ADAMTSL1: variants seen among roughly 807,000 people sequenced by gnomAD.
ADAMTSL1 encodes ADAMTS like 1, also known as ADAMTS-like protein 1.
A neutral mutation model predicts 201.8 loss-of-function variants in ADAMTSL1; 126 were observed. The observed-to-expected ratio is 0.62, with a 90% CI of 0.54 to 0.72. The LOEUF (loss-of-function observed/expected upper bound fraction) is 0.72, where lower values mean the gene tolerates loss of function less well. Ranked by LOEUF, ADAMTSL1 falls within the 30% of genes least tolerant of loss-of-function variation. The probability of loss-of-function intolerance (pLI) is 0.00; values close to 1 mark genes in which losing one functional copy is unlikely to be tolerated. For missense variants in ADAMTSL1, 2,679 were observed against 2,277.8 expected (o/e 1.18, Z -3.59); for synonymous variants, 1,121 against 903.4 (o/e 1.24, Z -4.32).
intron 17 of ADAMTSL1, among the ~76,000 whole-genome samples, chr9:18,771,947 G>A (rs1009523199): frequency 6.6e-6 from 1 of 152,086 alleles, no homozygotes; most frequent in Admixed American, 6.5e-5. Flanking sequence ...CTTACATTAC[G>A]ACAGGTTTTA....
intron 5 of ADAMTSL1, among the ~76,000 whole-genome samples, chr9:18,628,822 A>G (rs1826558272): frequency 6.6e-6 from 1 of 152,114 alleles, no homozygotes; most frequent in Non-Finnish European, 1.5e-5. Flanking sequence ...CATCTGTTGT[A>G]TTTTTTGTAA....
At chr9:18,449,274 A>C (rs1234395676) in intron 2 of ADAMTSL1, among the ~76,000 whole-genome samples, 1 of 150,226 alleles carries the variant, frequency 6.7e-6, no homozygotes, top group Non-Finnish European at 1.5e-5. Flanking sequence ...TCTATTATAT[A>C]ATTTAAAAAT....
At chr9:18,040,540 A>G (rs968225908) in intron 1 of ADAMTSL1, among the ~76,000 whole-genome samples, 4 of 152,176 alleles carry the variant, frequency 2.6e-5, no homozygotes, top group Non-Finnish European at 4.4e-5. Context: ...ATGTCTGTGC[A>G]TAGTAGAGCT....
At chr9:18,751,138 A>G (rs1819448225) in intron 15 of ADAMTSL1, among the ~76,000 whole-genome samples, 2 of 152,252 alleles carry the variant, frequency 1.3e-5, no homozygotes, top group South Asian at 2.1e-4. Flanking sequence ...GTATGGATGT[A>G]TCTTAAAACC....
chr9:17,988,643 C>A (rs1466452364), intron 1 of ADAMTSL1, among the ~76,000 whole-genome samples: 1 of 151,528 alleles, frequency 6.6e-6, no homozygotes, highest in Non-Finnish European at 1.5e-5. Context: ...CTTCACCTGC[C>A]AAAGGGAGCC....
intron 2 of ADAMTSL1, among the ~76,000 whole-genome samples, chr9:18,227,449 T>A (rs1830472801): frequency 6.6e-6 from 1 of 152,174 alleles, no homozygotes; most frequent in African/African-American, 2.4e-5. Context: ...GTCTATAGAT[T>A]ATAAACTCAC....
intron 4 of ADAMTSL1, among the ~76,000 whole-genome samples, chr9:18,612,152 C>G (rs941118524): frequency 1.3e-5 from 2 of 152,182 alleles, no homozygotes; most frequent in Non-Finnish European, 2.9e-5. Flanking sequence ...AAATAATGAG[C>G]ATTTATGCCC....
intron 12 of ADAMTSL1, among the ~76,000 whole-genome samples, chr9:18,683,910 G>T (rs2133193841): frequency 6.6e-6 from 1 of 152,210 alleles, no homozygotes; most frequent in South Asian, 2.1e-4. Flanking sequence ...CTTTGCAATT[G>T]TATGTTATAA....
intron 1 of ADAMTSL1, among the ~76,000 whole-genome samples, chr9:18,014,233 A>G (rs1449428607): frequency 3.9e-5 from 6 of 152,016 alleles, no homozygotes; most frequent in Non-Finnish European, 8.8e-5. Flanking sequence ...CAGCAGGACC[A>G]GTGCTCCACT....
rs1359978996 is a variant in ADAMTSL1, at chr9:18,892,486, T to G, written c.4741T>G (p.Ser1581Ala). ...TCQKLKASGI[S>A]TPVSNDMCTQ... Reference sequence around the variant, plus strand: ...TCAAAAGCTGAAAGCCTCTGGGATCTCCACCCCTGTGTCCAATGACATGTG... The same window carrying G: ...TCAAAAGCTGAAAGCCTCTGGGATCGCCACCCCTGTGTCCAATGACATGTG... Residue 1581 changes from serine (S) to alanine (A), a missense_variant, in exon 26 of 29, where the codon TCC (serine) becomes GCC (alanine). Transcript: ENST00000380548. 9 of 1,610,662 alleles carry G rather than the reference T, an allele frequency of 5.6e-6. No individual in the cohort carries two copies. Among genetic ancestry groups the G allele is most frequent in the Non-Finnish European group, 7.6e-6 (9 of 1,178,590 alleles).
rs746821344 is a variant in ADAMTSL1 at position 18,302,621 on chromosome 9, A to G, written c.207+138640A>G. Among the ~76,000 whole-genome samples the G allele has an allele frequency of 3.3e-4, 51 of 152,334 alleles. 1 individual carries two copies. Among genetic ancestry groups the G allele is most frequent in the Non-Finnish European group, 6.0e-4 (41 of 68,020 alleles). On this transcript the variant is annotated intron_variant, in intron 2 of 29. Transcript: ENST00000680146. ...TATAAATACACACTGGTTGATTTTAATATGACTTAAACCCTTTTTCTTGCT... is the reference window on the plus strand; with the variant it reads ...TATAAATACACACTGGTTGATTTTAGTATGACTTAAACCCTTTTTCTTGCT...
intron 7 of ADAMTSL1, among the ~76,000 whole-genome samples, chr9:18,656,706 C>T (rs1398786490): frequency 6.6e-6 from 1 of 151,286 alleles, no homozygotes; most frequent in Non-Finnish European, 1.5e-5. Flanking sequence ...CAGTTGGACT[C>T]TGATACTTCT....
chr9:18,674,418 C>G (rs1157047583), intron 9 of ADAMTSL1, among the ~76,000 whole-genome samples: 1 of 151,792 alleles, frequency 6.6e-6, no homozygotes, highest in Non-Finnish European at 1.5e-5. Context: ...CTCATGTATC[C>G]CCTAACCTTT....
chr9:18,780,330 C>T (rs10963753), intron 19 of ADAMTSL1, among the ~76,000 whole-genome samples: 5,375 of 152,204 alleles, frequency 0.035, 254 homozygotes, highest in East Asian at 0.25. Context: ...TTACGGAAGG[C>T]CACGGAAGGT....
chr9:18,751,203 A>G (rs1037057886), intron 15 of ADAMTSL1, among the ~76,000 whole-genome samples: 23 of 152,380 alleles, frequency 1.5e-4, no homozygotes, highest in Non-Finnish European at 3.2e-4. Flanking sequence ...GGGTTTAAAA[A>G]TAAGAGAAGT....
chr9:17,935,305 C>T (rs765899289), intron 1 of ADAMTSL1, among the ~76,000 whole-genome samples: 3 of 152,098 alleles, frequency 2.0e-5, no homozygotes, highest in African/African-American at 7.2e-5. Flanking sequence ...CATGTTCCCC[C>T]GGCACCAGTT....
At chr9:18,626,123 C>T (rs1234424931) in intron 5 of ADAMTSL1, among the ~76,000 whole-genome samples, 1 of 152,170 alleles carries the variant, frequency 6.6e-6, no homozygotes, top group Non-Finnish European at 1.5e-5. Flanking sequence ...TCACAAGCCA[C>T]TCAAGGATAT....
intron 2 of ADAMTSL1, among the ~76,000 whole-genome samples, chr9:18,436,883 T>C (rs549823368): frequency 5.9e-5 from 9 of 152,250 alleles, no homozygotes; most frequent in African/African-American, 2.2e-4. Flanking sequence ...CCTTGAGAGA[T>C]ACACCCGTAA....
chr9:18,567,414 C>T (rs902764029), intron 3 of ADAMTSL1, among the ~76,000 whole-genome samples: 12 of 151,942 alleles, frequency 7.9e-5, no homozygotes, highest in South Asian at 4.2e-4. Context: ...TGCAGCGAGC[C>T]GAGATCATGC....
Sources: allele counts gnomAD v4.1 joint callset (sites outside exome capture counted in the v4.1 genomes callset), GRCh38; gene constraint gnomAD v4.1.1; transcripts MANE v1.5; gene names NCBI Gene and HGNC (gene_info 2026-07-23, HGNC 2026-07-21).